ARB2A: variants seen among roughly 807,000 people sequenced by gnomAD.
The protein encoded by ARB2A is ARB2 cotranscriptional regulator A, also known as cotranscriptional regulator ARB2A.
the ARB2A span, among the ~76,000 whole-genome samples, chr5:93,936,921 C>G: frequency 8.0e-5 from 12 of 149,124 alleles, no homozygotes; most frequent in Admixed American, 8.0e-4. Flanking sequence ...TCAACTGATA[C>G]ATTTTTTAAA....
At chr5:94,016,323 T>C in the ARB2A span, among the ~76,000 whole-genome samples, 1 of 152,208 alleles carries the variant, frequency 6.6e-6, no homozygotes, top group African/African-American at 2.4e-5. Flanking sequence ...TTAACTAAAG[T>C]ATTATGAAAG....
chr5:93,923,335 G>C, the ARB2A span, among the ~76,000 whole-genome samples: 1 of 152,270 alleles, frequency 6.6e-6, no homozygotes, highest in Admixed American at 6.5e-5. Context: ...GGAGTCAAAA[G>C]TTATATGCAG....
the ARB2A span, among the ~76,000 whole-genome samples, chr5:93,979,654 A>C: frequency 6.6e-6 from 1 of 152,074 alleles, no homozygotes; most frequent in African/African-American, 2.4e-5. Context: ...CTTATATATC[A>C]CATTAAAATT....
chr5:93,705,635 GTGTGTGTGTGTGTGTGTA>G, the ARB2A span, among the ~76,000 whole-genome samples: 2 of 147,644 alleles, frequency 1.4e-5, no homozygotes, highest in African/African-American at 5.2e-5. Context: ...GTGTGTGTGT[GTGTGTGTGTGTGTGTGTA>G]TATATATATA....
At chr5:93,997,533 C>T in the ARB2A span, among the ~76,000 whole-genome samples, 1 of 151,956 alleles carries the variant, frequency 6.6e-6, no homozygotes, top group Non-Finnish European at 1.5e-5. Context: ...GCAATCGAAA[C>T]CCACACTTAA....
the ARB2A span, among the ~76,000 whole-genome samples, chr5:93,940,815 A>C: frequency 8.3e-4 from 126 of 152,230 alleles, no homozygotes; most frequent in Middle Eastern, 3.4e-3. Flanking sequence ...TTTATAGCTT[A>C]GTGTCTCAGT....
chr5:94,019,699 CA>C, the ARB2A span, among the ~76,000 whole-genome samples: 1 of 152,154 alleles, frequency 6.6e-6, no homozygotes, highest in Non-Finnish European at 1.5e-5. Flanking sequence ...TAAACTAGTT[CA>C]ACCATTGTGG....
chr5:93,772,260 A>G, the ARB2A span, among the ~76,000 whole-genome samples: 1 of 152,118 alleles, frequency 6.6e-6, no homozygotes, highest in African/African-American at 2.4e-5. Flanking sequence ...GAACAATGAG[A>G]ACACATGGAC....
chr5:93,784,187 G>A, the ARB2A span: 409,299 of 491,778 alleles, frequency 0.83, 171,583 homozygotes, highest in East Asian at 0.95. Context: ...AGAAGGGAGG[G>A]GAGCTTTCAA....
chr5:93,676,614 G>A, the ARB2A span, among the ~76,000 whole-genome samples: 5 of 152,230 alleles, frequency 3.3e-5, no homozygotes, highest in African/African-American at 7.2e-5. Context: ...ATACCATAGC[G>A]GGGCGATTCC....
chr5:93,778,946 C>T, the ARB2A span, among the ~76,000 whole-genome samples: 2 of 152,152 alleles, frequency 1.3e-5, no homozygotes, highest in African/African-American at 4.8e-5. Context: ...CAGTTTTTAT[C>T]TAGCCACATG....
At chr5:93,887,490 T>C in the ARB2A span, among the ~76,000 whole-genome samples, 3 of 151,836 alleles carry the variant, frequency 2.0e-5, no homozygotes, top group Admixed American at 6.6e-5. Flanking sequence ...GTTCGGCATC[T>C]GTATACCTTC....
At chr5:93,963,788 C>A in the ARB2A span, among the ~76,000 whole-genome samples, 1 of 152,004 alleles carries the variant, frequency 6.6e-6, no homozygotes, top group Non-Finnish European at 1.5e-5. Flanking sequence ...ACCACCGTTT[C>A]ACACACGATT....
chr5:94,098,874 C>G, the ARB2A span, among the ~76,000 whole-genome samples: 2 of 152,046 alleles, frequency 1.3e-5, no homozygotes, highest in East Asian at 1.9e-4. Flanking sequence ...ACTAGAAAAC[C>G]TAGATGTGAT....
the ARB2A span, among the ~76,000 whole-genome samples, chr5:94,055,388 A>T: frequency 6.6e-6 from 1 of 152,170 alleles, no homozygotes; most frequent in South Asian, 2.1e-4. Context: ...ATAGAACATC[A>T]TCAAAATATG....
At chr5:93,934,597 T>C in the ARB2A span, among the ~76,000 whole-genome samples, 1 of 152,156 alleles carries the variant, frequency 6.6e-6, no homozygotes, top group Non-Finnish European at 1.5e-5. Context: ...GCCAATGATG[T>C]ATGAAGGGAA....
At chr5:93,811,965 C>T in the ARB2A span, among the ~76,000 whole-genome samples, 1 of 152,076 alleles carries the variant, frequency 6.6e-6, no homozygotes, top group Admixed American at 6.6e-5. Context: ...TGACAGATTA[C>T]ATGTATTCAT....
At chr5:93,757,082 T>C in the ARB2A span, among the ~76,000 whole-genome samples, 2 of 152,068 alleles carry the variant, frequency 1.3e-5, no homozygotes, top group Non-Finnish European at 2.9e-5. Context: ...TGTGAAATGC[T>C]CTGGAAAGTC....
chr5:93,708,708 T>C, the ARB2A span, among the ~76,000 whole-genome samples: 1 of 152,132 alleles, frequency 6.6e-6, no homozygotes, highest in Non-Finnish European at 1.5e-5. Context: ...TACTGGTCCA[T>C]GGCCTCTGGG....
Sources: allele counts gnomAD v4.1 joint callset (sites outside exome capture counted in the v4.1 genomes callset), GRCh38; gene constraint gnomAD v4.1.1; transcripts MANE v1.5; gene names NCBI Gene and HGNC (gene_info 2026-07-23, HGNC 2026-07-21).